Variants in DTNB observed in about 807,000 individuals in gnomAD.
The protein encoded by DTNB is DTN-B.
A neutral mutation model predicts 90.7 loss-of-function variants in DTNB; 63 were observed. The observed-to-expected ratio is 0.69, with a 90% confidence interval of 0.57 to 0.86. The LOEUF is 0.86. Among genes scored for constraint, DTNB ranks in the 40% least tolerant of loss-of-function variants. The pLI is 0.00. For synonymous variants in DTNB, 277 were observed against 286.7 expected (o/e 0.97, Z 0.34); for missense variants, 744 against 807.1 (o/e 0.92, Z 0.95).
At chr2:25,413,098 G>A (rs2046990503) in intron 16 of DTNB, among the ~76,000 whole-genome samples, 1 of 152,080 alleles carries the variant, frequency 6.6e-6, no homozygotes, top group African/African-American at 2.4e-5. Context: ...AAAAGACAAG[G>A]TGATTTTTAT....
chr2:25,472,263 G>A (rs1348901633), intron 10 of DTNB, among the ~76,000 whole-genome samples: 4 of 152,190 alleles, frequency 2.6e-5, no homozygotes, highest in Non-Finnish European at 2.9e-5. Flanking sequence ...AGGGTGTTAC[G>A]GAAGGCTTAT....
chr2:25,496,005 G>A lies in DTNB; in HGVS notation c.1002-13132C>T, dbSNP rs948170336. 2.0e-5 allele frequency among the ~76,000 whole-genome samples: 3 copies of A among 152,114 alleles called. No homozygotes were observed. In the East Asian group the frequency reaches 5.8e-4, roughly 29 times the overall value. On this transcript the variant is annotated intron_variant, in intron 9 of 20. Transcript: ENST00000406818. ...ACTTGTTTAATGAACTATTTCTCAG[G>A]AAGGAAAAGTTTACCACAAATCCAT...
intron 9 of DTNB, among the ~76,000 whole-genome samples, chr2:25,485,161 T>C (rs1472785325): frequency 6.6e-6 from 1 of 152,078 alleles, no homozygotes; most frequent in Admixed American, 6.5e-5. Flanking sequence ...TTACCTGCTA[T>C]ATATATATTT....
intron 8 of DTNB, among the ~76,000 whole-genome samples, chr2:25,571,884 A>G (rs2059926862): frequency 6.6e-6 from 1 of 151,964 alleles, no homozygotes; most frequent in South Asian, 2.1e-4. Flanking sequence ...TATAATATAC[A>G]ACATACCCTC....
intron 8 of DTNB, among the ~76,000 whole-genome samples, chr2:25,553,512 T>C (rs1409331612): frequency 1.3e-5 from 2 of 151,566 alleles, no homozygotes; most frequent in East Asian, 1.9e-4. Context: ...CTGAGGCAGG[T>C]AGATCACCTG....
intron 18 of DTNB, 105 bp from the exon 19 acceptor site, chr2:25,383,994 A>G (rs986198289): frequency 6.3e-6 from 10 of 1,589,762 alleles, no homozygotes; most frequent in Middle Eastern, 3.5e-4. Flanking sequence ...ACTCTAGCTA[A>G]CAGCTCCTGG....
At chr2:25,498,917 T>C (rs1350043584) in intron 9 of DTNB, among the ~76,000 whole-genome samples, 1 of 149,724 alleles carries the variant, frequency 6.7e-6, no homozygotes, top group Non-Finnish European at 1.5e-5. Flanking sequence ...CATAATTTTA[T>C]AATGAAAACA....
chr2:25,503,053 CAAAAAAAAAAAA>C (rs58871909), intron 9 of DTNB, among the ~76,000 whole-genome samples: 170 of 15,276 alleles, frequency 0.011, 1 homozygote, highest in South Asian at 0.031. Context: ...GACCCTATCT[CAAAAAAAAAAAA>C]AAAAAAAAAA....
intron 16 of DTNB, among the ~76,000 whole-genome samples, chr2:25,408,804 G>T (rs906557606): frequency 1.3e-5 from 2 of 152,054 alleles, no homozygotes; most frequent in African/African-American, 2.4e-5. Flanking sequence ...TAGCACTATC[G>T]TTACTATGGA....
Position 25,555,377 on chromosome 2 carries a change from A to G in DTNB, c.876+21461T>C, listed in dbSNP as rs550668911. ...ATAAAGTCTTTTCTATATGCTTGATATATTTCATAATAAGAAATTATATAT... is the reference window on the plus strand; with the variant it reads ...ATAAAGTCTTTTCTATATGCTTGATGTATTTCATAATAAGAAATTATATAT... On this transcript the variant is annotated intron_variant, in intron 8 of 20. Transcript: ENST00000406818. 3.9e-5 allele frequency among the ~76,000 whole-genome samples: 6 copies of G among 152,012 alleles called. No individual in the cohort carries two copies. In the East Asian group the frequency reaches 5.8e-4, roughly 15 times the overall value.
intron 16 of DTNB, among the ~76,000 whole-genome samples, chr2:25,390,920 G>A (rs1424466889): frequency 3.5e-5 from 5 of 141,388 alleles, no homozygotes; most frequent in Admixed American, 1.4e-4. Flanking sequence ...TTTTTGAGAC[G>A]GAGTCTTGCT....
intron 8 of DTNB, among the ~76,000 whole-genome samples, chr2:25,570,406 CAAAAAAAA>C (rs146251976): frequency 2.3e-4 from 21 of 89,912 alleles, no homozygotes; most frequent in East Asian, 6.9e-4. Context: ...TTTCCTGTCT[CAAAAAAAA>C]AAAAAAAAAA....
At chr2:25,623,223 C>A (rs992415883) in intron 4 of DTNB, among the ~76,000 whole-genome samples, 5 of 152,202 alleles carry the variant, frequency 3.3e-5, no homozygotes, top group African/African-American at 1.2e-4. Flanking sequence ...TTTAAAAAAT[C>A]TCCTTGAATA....
rs141533049 is a variant in DTNB, at chr2:25,477,473, A to G, written c.1079+5323T>C. Among the ~76,000 whole-genome samples the G allele has an allele frequency of 9.5e-4, 144 of 152,354 alleles. 1 individual carries two copies. The highest frequency in any genetic ancestry group is 3.3e-3 in the African/African-American group (136 of 41,582). On this transcript the variant is annotated intron_variant, in intron 10 of 20. Transcript: ENST00000406818. ...AAGTATAAATTAAAGTAAATATGCT[A>G]TGATAAAATCTCGCCTTTACCTAAA...
At chr2:25,588,104 G>A (rs2062797640) in intron 6 of DTNB, among the ~76,000 whole-genome samples, 1 of 151,344 alleles carries the variant, frequency 6.6e-6, no homozygotes, top group Non-Finnish European at 1.5e-5. Flanking sequence ...AAATTATTTT[G>A]GTTATATCTC....
chr2:25,599,817 A>G (rs2065461100), intron 5 of DTNB, among the ~76,000 whole-genome samples: 1 of 152,176 alleles, frequency 6.6e-6, no homozygotes. Context: ...GCTGCTGGTC[A>G]GGCGTGGTGG....
chr2:25,386,046 G>C, intron 18 of DTNB: 1 of 985,462 alleles, frequency 1.0e-6, no homozygotes, highest in Non-Finnish European at 1.2e-6. Flanking sequence ...CATCCTGAAG[G>C]CTGTCGCCTC....
intron 16 of DTNB, among the ~76,000 whole-genome samples, chr2:25,397,971 G>A (rs984364440): frequency 1.3e-5 from 2 of 151,796 alleles, no homozygotes. Flanking sequence ...AACATATGGC[G>A]AGGACTCAGG....
chr2:25,573,077 C>G (rs1177410464), intron 8 of DTNB, among the ~76,000 whole-genome samples: 1 of 152,102 alleles, frequency 6.6e-6, no homozygotes, highest in Non-Finnish European at 1.5e-5. Context: ...CTCCAAGTAG[C>G]TGGGATTACA....
Sources: gnomAD v4.1 joint callset for allele counts (sites outside exome capture counted in the v4.1 genomes callset) on GRCh38, gnomAD v4.1.1 for gene constraint, MANE v1.5 for transcripts, NCBI Gene and HGNC (gene_info 2026-07-23, HGNC 2026-07-21) for gene names.